The following SOX5 variants were observed in gnomAD, a reference collection of about 807,000 sequenced individuals.
SOX5 encodes the protein transcription factor SOX-5.
SOX5 carries 9 observed loss-of-function variants against 92.0 expected under a neutral mutation model. The observed-to-expected ratio is 0.10, with a 90% CI of 0.06 to 0.17. The LOEUF (loss-of-function observed/expected upper bound fraction) is 0.17, where lower values mean the gene tolerates loss of function less well. Among genes scored for constraint, SOX5 ranks in the 10% least tolerant of loss-of-function variants. The probability of loss-of-function intolerance (pLI) is 1.00; values close to 1 mark genes in which losing one functional copy is unlikely to be tolerated. For missense variants in SOX5, 642 were observed against 944.5 expected (o/e 0.68, Z 4.20); for synonymous variants, 344 against 336.3 (o/e 1.02, Z -0.25).
chr12:24,291,594 C>G lies in SOX5; in HGVS notation c.-173-14282G>C, dbSNP rs975904759. On this transcript the variant is annotated intron_variant, in intron 2 of 4. Coordinates refer to the SOX5 transcript ENST00000446891. ...TGCATATAGAAACAGAAAACAGAAGCAAGAAATTCAAGGAAATCATGCTCA... is the reference window on the plus strand; with the variant it reads ...TGCATATAGAAACAGAAAACAGAAGGAAGAAATTCAAGGAAATCATGCTCA... Among the ~76,000 whole-genome samples the G allele has an allele frequency of 9.2e-5, 14 of 152,240 alleles. No individual in the cohort carries two copies. In the East Asian group the frequency reaches 2.5e-3, roughly 27 times the overall value.
At chr12:23,564,206 A>C (rs908791786) in intron 10 of SOX5, among the ~76,000 whole-genome samples, 3 of 152,228 alleles carry the variant, frequency 2.0e-5, no homozygotes, top group Admixed American at 6.5e-5. Flanking sequence ...CAGGTGTAAC[A>C]ACCAAAACTA....
chr12:23,954,453 C>CAAA (rs200770197), upstream of SOX5, among the ~76,000 whole-genome samples: 1 of 149,362 alleles, frequency 6.7e-6, no homozygotes, highest in Non-Finnish European at 1.5e-5. Context: ...CTTCCTCTTT[C>CAAA]AAAAAAAAAG....
intron 2 of SOX5, among the ~76,000 whole-genome samples, chr12:23,884,422 A>C (rs1167797123): frequency 6.6e-6 from 1 of 152,172 alleles, no homozygotes; most frequent in Non-Finnish European, 1.5e-5. Context: ...ATAGCCTTTT[A>C]GAATCTCATA....
At chr12:23,598,500 G>A (rs1435952386) in intron 9 of SOX5, among the ~76,000 whole-genome samples, 1 of 142,614 alleles carries the variant, frequency 7.0e-6, no homozygotes, top group African/African-American at 2.6e-5. Context: ...CTGGGTTCAT[G>A]CTATTCTCCT....
chr12:23,550,309 C>T (rs2136137685), intron 11 of SOX5, among the ~76,000 whole-genome samples: 1 of 152,008 alleles, frequency 6.6e-6, no homozygotes, highest in Non-Finnish European at 1.5e-5. Context: ...TTTAATCAAA[C>T]TCTCTGCCGT....
At chr12:23,762,348 T>A (rs1191938557) in intron 3 of SOX5, 1 of 340,122 alleles carries the variant, frequency 2.9e-6, no homozygotes, top group Non-Finnish European at 5.3e-6. Flanking sequence ...TAGCGTACTT[T>A]GTTTGCACCT....
chr12:23,776,885 C>A (rs893578955), intron 3 of SOX5, among the ~76,000 whole-genome samples: 2 of 152,174 alleles, frequency 1.3e-5, no homozygotes, highest in African/African-American at 2.4e-5. Flanking sequence ...TACTGGTCAG[C>A]GGTCCAGGGG....
intron 13 of SOX5, among the ~76,000 whole-genome samples, chr12:23,540,361 T>TATAATAATAATAATA (rs5797023): frequency 7.0e-6 from 1 of 142,784 alleles, no homozygotes; most frequent in Non-Finnish European, 1.5e-5. Context: ...AAACTTAAAG[T>TATAATAATAATAATA]ATAATAATAA....
chr12:24,382,651 GAA>G (rs1957954611), intron 1 of SOX5, among the ~76,000 whole-genome samples: 1 of 152,184 alleles, frequency 6.6e-6, no homozygotes, highest in Admixed American at 6.5e-5. Context: ...CAGTAGAGGA[GAA>G]GTCCAGTTAG....
At chr12:24,368,801 T>C (rs1956420496) in intron 1 of SOX5, among the ~76,000 whole-genome samples, 1 of 152,246 alleles carries the variant, frequency 6.6e-6, no homozygotes, top group African/African-American at 2.4e-5. Flanking sequence ...CACATTCTTA[T>C]AAATCTAAAT....
chr12:23,912,683 C>T (rs2097364397), intron 1 of SOX5, among the ~76,000 whole-genome samples: 1 of 152,132 alleles, frequency 6.6e-6, no homozygotes. Context: ...CTGATACATG[C>T]TACAAAACTG....
At chr12:24,427,105 C>G (rs777226395) in intron 1 of SOX5, among the ~76,000 whole-genome samples, 1 of 152,188 alleles carries the variant, frequency 6.6e-6, no homozygotes, top group Non-Finnish European at 1.5e-5. Flanking sequence ...TCCACAGTAC[C>G]TATTAGCGAT....
intron 1 of SOX5, among the ~76,000 whole-genome samples, chr12:24,514,689 G>C (rs1949620116): frequency 6.6e-6 from 1 of 152,216 alleles, no homozygotes; most frequent in Non-Finnish European, 1.5e-5. Flanking sequence ...TAAAGAAAAT[G>C]TGGTACATAT....
intron 4 of SOX5, among the ~76,000 whole-genome samples, chr12:24,075,087 C>A (rs1794742070): frequency 6.6e-6 from 1 of 150,850 alleles, no homozygotes; most frequent in Admixed American, 6.6e-5. Flanking sequence ...CATAGGGAGA[C>A]CCCATCTCTA....
chr12:23,860,271 C>T (rs2096740172), intron 2 of SOX5, among the ~76,000 whole-genome samples: 1 of 148,576 alleles, frequency 6.7e-6, no homozygotes, highest in Non-Finnish European at 1.5e-5. Context: ...GTGTAACAAA[C>T]CTTCACATGT....
At chr12:24,165,987 C>A (rs947048380) in intron 4 of SOX5, among the ~76,000 whole-genome samples, 1 of 151,714 alleles carries the variant, frequency 6.6e-6, no homozygotes, top group Admixed American at 6.6e-5. Flanking sequence ...CTAGAAGCAG[C>A]GATATGTTTA....
chr12:24,358,935 T>C (rs1955191010), intron 2 of SOX5, among the ~76,000 whole-genome samples: 1 of 152,250 alleles, frequency 6.6e-6, no homozygotes, highest in Non-Finnish European at 1.5e-5. Flanking sequence ...AGTCTCACGT[T>C]TACCTTAGAA....
At chr12:23,662,961 G>A (rs191669465) in intron 7 of SOX5, among the ~76,000 whole-genome samples, 2 of 152,208 alleles carry the variant, frequency 1.3e-5, no homozygotes, top group East Asian at 3.9e-4. Context: ...ATTGGCAACC[G>A]GAAAAGTCAC....
intron 4 of SOX5, among the ~76,000 whole-genome samples, chr12:24,036,039 A>G (rs972440889): frequency 2.0e-5 from 3 of 152,086 alleles, no homozygotes; most frequent in Non-Finnish European, 2.9e-5. Flanking sequence ...AAAATTATAC[A>G]ACACACGCAG....
Sources: allele counts gnomAD v4.1 joint callset (sites outside exome capture counted in the v4.1 genomes callset), GRCh38; gene constraint gnomAD v4.1.1; transcripts MANE v1.5; gene names NCBI Gene and HGNC (gene_info 2026-07-23, HGNC 2026-07-21).